CABLES2: variants seen among roughly 807,000 people sequenced by gnomAD.
CABLES2 encodes CDK5 and ABL1 enzyme substrate 2.
In CABLES2, 35 loss-of-function variants were observed where a neutral mutation model predicts 44.8. The observed-to-expected ratio is 0.78, with a 90% confidence interval of 0.60 to 1.04. The LOEUF (loss-of-function observed/expected upper bound fraction) is 1.04, where lower values mean the gene tolerates loss of function less well. CABLES2 is among the 50% of genes least tolerant of loss of function. The pLI is 0.00. For missense variants in CABLES2, 566 were observed against 615.7 expected, an observed-to-expected ratio of 0.92 and a Z score of 0.85; for synonymous variants, 282 against 281.1, an observed-to-expected ratio of 1.00 and a Z score of -0.03.
intron 1 of CABLES2, among the ~76,000 whole-genome samples, chr20:62,398,778 G>A (rs1470102588): frequency 1.3e-5 from 2 of 152,216 alleles, no homozygotes; most frequent in Non-Finnish European, 2.9e-5. Flanking sequence ...TGCCACCTGT[G>A]CCAGCGAGAG....
intron 1 of CABLES2, among the ~76,000 whole-genome samples, chr20:62,397,483 C>T (rs1335057473): frequency 2.0e-5 from 3 of 152,206 alleles, no homozygotes; most frequent in Non-Finnish European, 2.9e-5. Flanking sequence ...GACTGTACAA[C>T]GCACTTCCTT....
chr20:62,393,982 G>A lies in CABLES2; in HGVS notation c.714+175C>T, dbSNP rs1313973142. Among the ~76,000 whole-genome samples, 8 of 152,284 alleles carry A rather than the reference G, an allele frequency of 5.3e-5. 1 individual carries two copies. In the South Asian group the frequency reaches 8.3e-4, roughly 16 times the overall value. On this transcript the variant is annotated intron_variant, in intron 5 of 9. Transcript: ENST00000279101. ...GCACGGCCAGGCGGGGGAGTCCGACGGGCTCCAGGGCCACGTTCTCAGGGC... is the reference window on the plus strand; with the variant it reads ...GCACGGCCAGGCGGGGGAGTCCGACAGGCTCCAGGGCCACGTTCTCAGGGC...
At chr20:62,392,336 G>T in intron 8 of CABLES2, 53 bp downstream of exon 8, 1 of 1,282,400 alleles carries the variant, frequency 7.8e-7, no homozygotes, top group African/African-American at 1.5e-5. Flanking sequence ...CTGGAGAGGA[G>T]AGGCTGGCAG....
At chr20:62,398,061 G>GTGA (rs1198852848) in intron 1 of CABLES2, among the ~76,000 whole-genome samples, 1 of 93,572 alleles carries the variant, frequency 1.1e-5, no homozygotes, top group Non-Finnish European at 2.2e-5. Context: ...GATGGCGATG[G>GTGA]TGGTGGTGAC....
In CABLES2 at chr20:62,407,257, C is replaced by G. The variant is rs1020690890; in HGVS notation, c.20G>C (p.Gly7Ala). The change falls in exon 1 of 10, where the codon GGT (glycine) becomes GCT (alanine). Residue 7 changes from glycine (G) to alanine (A), a missense_variant. Around this residue, in one of 2 missense-constraint regions of CABLES2, gnomAD observed 130 missense variants for 79.4 expected, o/e 1.64. Coordinates refer to ENST00000279101, the MANE Select transcript of CABLES2 (RefSeq NM_031215.3). MAAAAAGGAPGPAPGPA... is the reference protein window; with the variant it reads MAAAAAAGAPGPAPGPA... ...GCCGGGGGCCGGGCCCGGGGCTCCA[C>G]CGGCCGCGGCCGCGGCCATCCTCAG... 21 of 633,620 alleles carry G rather than the reference C, an allele frequency of 3.3e-5. No individual in the cohort carries two copies. Among genetic ancestry groups the G allele is most frequent in the African/African-American group, 4.0e-5 (2 of 49,592 alleles). The allele number at this position is 633,620 out of a possible 1,614,324, so 39.2% of individuals were successfully genotyped here. A position where few individuals can be genotyped will look rare whatever the true frequency, so the allele number is the denominator to read the frequency against.
rs752301474 is a variant in CABLES2 at position 62,396,641 on chromosome 20, G to A, written c.363-49C>T. The A allele has an allele frequency of 7.1e-6, 11 of 1,555,344 alleles. No homozygotes were observed. The highest frequency in any genetic ancestry group is 5.7e-5 in the Admixed American group (3 of 52,688). ...AAAACAGGCCACCAGCCCGGGTGCC[G>A]CCTTTGTGGCCAGAAACCGAGTGCC... is the stretch of plus-strand genomic sequence containing the variant. On this transcript the variant is annotated intron_variant, in intron 1 of 9. Transcript: ENST00000279101. This position sits in a 1 kb window ranked among gnomAD's most constrained non-coding sequence, Gnocchi z 5.7.
rs1555890787 is a variant in CABLES2 at position 62,398,121 on chromosome 20, G to GTGA, written c.363-1530_363-1529insTCA. Among the ~76,000 whole-genome samples, 154 of 82,446 alleles carry GTGA rather than the reference G, an allele frequency of 1.9e-3. 2 individuals are homozygous for GTGA. Among genetic ancestry groups the GTGA allele is most frequent in the African/African-American group, 2.9e-3 (47 of 15,942 alleles). The allele number at this position is 82,446 out of a possible 152,430, so 54.1% of individuals were successfully genotyped here. ...GGTGGTGGTGATGGTGGTGGTGGTG[G>GTGA]TGGTTATGACGGTGGTGATGGTGGT... On this transcript the variant is annotated intron_variant, in intron 1 of 9. Coordinates refer to ENST00000279101, the MANE Select transcript of CABLES2 (RefSeq NM_031215.3).
Position 62,407,225 on chromosome 20 carries a change from CGGCGGGGCCGGGGGCCG to C in CABLES2, c.35_51del (p.Pro12ArgfsTer139). On this transcript the variant is annotated frameshift_variant, in exon 1 of 10. Transcript: ENST00000279101. LOFTEE classifies it high-confidence loss of function. ...GTCGGCGCGGCGGGTGGCGGGGGCC[CGGCGGGGCCGGGGGCCG>C]GGCCCGGGGCTCCACCGGCCGCGGC... The C allele has an allele frequency of 1.1e-6, 1 of 915,604 alleles. No individual in the cohort carries two copies. The highest frequency in any genetic ancestry group is 5.0e-5 in the South Asian group (1 of 19,964). The allele number at this position is 915,604 out of a possible 1,614,324, so 56.7% of individuals were successfully genotyped here.
At chr20:62,398,080 T>TGAC (rs1418746374) in intron 1 of CABLES2, among the ~76,000 whole-genome samples, 3,903 of 116,814 alleles carry the variant, frequency 0.033, 391 homozygotes, top group South Asian at 0.067. Flanking sequence ...ACGGTGGTGG[T>TGAC]GGTGGTGACG....
intron 1 of CABLES2, among the ~76,000 whole-genome samples, chr20:62,401,137 C>T (rs892660661): frequency 1.3e-5 from 2 of 152,170 alleles, no homozygotes; most frequent in Non-Finnish European, 2.9e-5. Flanking sequence ...GAATGGTGGC[C>T]GCTCTCCACT....
At position 62,388,764 on chromosome 20, in the gene CABLES2, G is replaced by A. The variant is rs77314867; in HGVS notation, c.*2207C>T. The stretch of plus-strand genomic sequence containing the variant: ...TGACATCCACAACTGCTACCGGTGC[G>A]GAAGCAACGCCAGGCCTGGTTCTGT... On this transcript the variant is annotated 3_prime_UTR_variant, in exon 10 of 10. Coordinates refer to ENST00000279101, the MANE Select transcript of CABLES2 (RefSeq NM_031215.3). 0.042 allele frequency: 20,233 copies of A among 477,110 alleles called. 526 individuals are homozygous for A. Among genetic ancestry groups the A allele is most frequent in the Non-Finnish European group, 0.055 (14,610 of 265,426 alleles). The allele number at this position is 477,110 out of a possible 1,614,324, so 29.6% of individuals were successfully genotyped here.
chr20:62,398,187 A>ATGGTGGTGATGATGGTGATGG (rs1480176918), intron 1 of CABLES2, among the ~76,000 whole-genome samples: 1 of 92,768 alleles, frequency 1.1e-5, no homozygotes, highest in Non-Finnish European at 2.1e-5. Flanking sequence ...GGTGGTGGTG[A>ATGGTGGTGATGATGGTGATGG]TGGTGATGAT....
chr20:62,392,477 C>T lies in CABLES2; in HGVS notation c.1003G>A (p.Val335Met), dbSNP rs1044079708. ...ASYMTTVIEY[V>M]KPSDLKKDMN... ...TCCTTTTTGAGGTCTGAGGGCTTCACGTATTCTATCACTGTGGTCTGCAAC... is the reference window on the plus strand; with the variant it reads ...TCCTTTTTGAGGTCTGAGGGCTTCATGTATTCTATCACTGTGGTCTGCAAC... Residue 335 changes from valine (V) to methionine (M), a missense_variant, in exon 8 of 10, where the codon GTG (valine) becomes ATG (methionine). By Grantham distance (21) the Val-to-Met change is conservative. Transcript: ENST00000279101. 1.4e-5 allele frequency: 22 copies of T among 1,613,786 alleles called. No individual in the cohort carries two copies. The highest frequency in any genetic ancestry group is 2.7e-5 in the African/African-American group (2 of 74,900).
At chr20:62,401,454 C>T (rs73143450) in intron 1 of CABLES2, among the ~76,000 whole-genome samples, 23,736 of 152,200 alleles carry the variant, frequency 0.16, 2,096 homozygotes, top group Middle Eastern at 0.26. Flanking sequence ...CCCAGGCCAG[C>T]GTCCATTGCT....
chr20:62,399,252 A>ATTTTAT (rs34435670), intron 1 of CABLES2, among the ~76,000 whole-genome samples: 5 of 109,460 alleles, frequency 4.6e-5, no homozygotes, highest in African/African-American at 1.1e-4. Flanking sequence ...ATTTTATTTT[A>ATTTTAT]TTTATTTTTT....
At position 62,396,967 on chromosome 20, in the gene CABLES2, C is replaced by T. The variant is rs555802957; in HGVS notation, c.363-375G>A. Among the ~76,000 whole-genome samples the T allele has an allele frequency of 2.6e-5, 4 of 152,160 alleles. No individual in the cohort carries two copies. Among genetic ancestry groups the T allele is most frequent in the Non-Finnish European group, 5.9e-5 (4 of 68,016 alleles). ...ACTCTGACAGGCCCATCCCACCCAG[C>T]GCTGCCTGAGACTGGTGCTGCCTGC... is the stretch of plus-strand genomic sequence containing the variant. On this transcript the variant is annotated intron_variant, in intron 1 of 9. Coordinates refer to ENST00000279101, the MANE Select transcript of CABLES2 (RefSeq NM_031215.3). The surrounding 1 kb of genome is among the most constrained non-coding windows in gnomAD (Gnocchi z 5.7).
At chr20:62,406,359 C>A (rs536271867) in intron 1 of CABLES2, among the ~76,000 whole-genome samples, 2 of 151,806 alleles carry the variant, frequency 1.3e-5, no homozygotes, top group Non-Finnish European at 1.5e-5. Context: ...CCCTGTGTCC[C>A]GGGCACTGGT....
Position 62,393,469 on chromosome 20 carries a change from G to A in CABLES2, c.851C>T (p.Thr284Ile). 1 of 1,611,592 alleles carries A rather than the reference G, an allele frequency of 6.2e-7. No homozygotes were observed. The highest frequency in any genetic ancestry group is 8.5e-7 in the Non-Finnish European group (1 of 1,178,666). The change falls in exon 6 of 10, where the codon ACC becomes ATC. Residue 284 changes from threonine (T) to isoleucine (I), a missense_variant. Thr to Ile is a moderately conservative substitution (Grantham distance 89). Transcript: ENST00000279101. Reference protein sequence around the residue: ...LPGSRHKPAPTKSAPASTELG... With the variant: ...LPGSRHKPAPIKSAPASTELG... ...TTCTGTGCTGGCTGGTGCCGACTTG[G>A]TGGGGGCAGGTTTATGTCTTGACCC...
At position 62,407,142 on chromosome 20, in the gene CABLES2, G is replaced by A; in HGVS notation, c.135C>T (p.Arg45=). Residue 45 remains arginine (R), a synonymous_variant, in exon 1 of 10, where the codon CGC becomes CGT. Transcript: ENST00000279101. ...TGTTGAGGAAGAAAAGCGCGGCCTG[G>A]CGGCGCCGCGAGTCCCCGCGCCTCC... is the stretch of plus-strand genomic sequence containing the variant. The part of the protein sequence containing the change: ...ALRRRGDSRR[R]QAALFFLNNI... 9.8e-7 allele frequency: 1 copy of A among 1,020,618 alleles called. No individual in the cohort carries two copies. The highest frequency in any genetic ancestry group is 1.2e-6 in the Non-Finnish European group (1 of 851,726). 63.2% of individuals were successfully genotyped at this position (1,020,618 alleles called of 1,614,324 possible).
Sources: gnomAD v4.1 joint callset for allele counts (sites outside exome capture counted in the v4.1 genomes callset) on GRCh38, gnomAD v4.1.1 for gene constraint, gnomAD v4.1.1 regional missense constraint, Gnocchi (gnomAD v3.1) non-coding constraint, MANE v1.5 for transcripts, NCBI Gene and HGNC (gene_info 2026-07-23, HGNC 2026-07-21) for gene names.